The following DNER variants were observed in gnomAD, a reference collection of about 807,000 sequenced individuals.
DNER encodes the protein delta/notch like EGF repeat containing.
Under a neutral mutation model 78.2 loss-of-function variants are expected in DNER, and 33 were observed. The observed-to-expected ratio is 0.42, with a 90% CI of 0.32 to 0.56. The LOEUF is 0.56. Ranked by LOEUF, DNER falls within the 20% of genes least tolerant of loss-of-function variation. DNER has a pLI of 0.11. For missense variants in DNER, 918 were observed against 975.3 expected, an observed-to-expected ratio of 0.94 and a Z score of 0.78; for synonymous variants, 417 against 384.8, an observed-to-expected ratio of 1.08 and a Z score of -0.98.
intron 1 of DNER, among the ~76,000 whole-genome samples, chr2:229,687,484 G>C (rs867314846): frequency 2.8e-4 from 42 of 151,808 alleles, no homozygotes; most frequent in African/African-American, 8.7e-4. Flanking sequence ...GGCTGGTCTC[G>C]AACTCCTGAC....
At chr2:229,668,418 TTATA>T (rs59207662) in intron 1 of DNER, among the ~76,000 whole-genome samples, 52,769 of 132,168 alleles carry the variant, frequency 0.4, 11,110 homozygotes, top group South Asian at 0.46. Context: ...AAATATTCTT[TTATA>T]TATATATATA....
At chr2:229,409,021 G>A (rs1164145947) in intron 9 of DNER, among the ~76,000 whole-genome samples, 3 of 152,110 alleles carry the variant, frequency 2.0e-5, no homozygotes, top group Non-Finnish European at 2.9e-5. Flanking sequence ...GGACTTGAAC[G>A]AGCCTCCTCA....
intron 11 of DNER, among the ~76,000 whole-genome samples, chr2:229,382,932 G>A (rs1325503109): frequency 2.0e-5 from 3 of 152,042 alleles, no homozygotes; most frequent in African/African-American, 4.8e-5. Context: ...GATACTCCTC[G>A]AGAAGAGCAA....
chr2:229,391,570 C>A (rs1693016883), intron 10 of DNER, among the ~76,000 whole-genome samples: 1 of 152,000 alleles, frequency 6.6e-6, no homozygotes, highest in Non-Finnish European at 1.5e-5. Flanking sequence ...AGACAAAAAT[C>A]TCACTCTATC....
chr2:229,394,781 G>C (rs1441489011), intron 10 of DNER, among the ~76,000 whole-genome samples: 1 of 152,238 alleles, frequency 6.6e-6, no homozygotes, highest in South Asian at 2.1e-4. Context: ...AAAATGGCTT[G>C]AGGGGGAATT....
intron 10 of DNER, among the ~76,000 whole-genome samples, chr2:229,394,822 A>G (rs916818107): frequency 1.3e-5 from 2 of 152,158 alleles, no homozygotes; most frequent in Non-Finnish European, 2.9e-5. Flanking sequence ...AAAGAGCTCT[A>G]TTGTCAAACA....
At position 229,642,414 on chromosome 2, in the gene DNER, C is replaced by T. The variant is rs534498460; in HGVS notation, c.277-50526G>A. On this transcript the variant is annotated intron_variant, in intron 1 of 12. Coordinates refer to ENST00000341772, the MANE Select transcript of DNER (RefSeq NM_139072.4). ...AATTCCCCCTGCAGTGACAGACGCC[C>T]GCTGAAAATACTATGGGAAAAAAAG... Among the ~76,000 whole-genome samples, 7 of 152,264 alleles carry T rather than the reference C, an allele frequency of 4.6e-5. No individual in the cohort carries two copies. In the South Asian group the frequency reaches 8.3e-4, roughly 18 times the overall value.
intron 5 of DNER, among the ~76,000 whole-genome samples, chr2:229,538,709 T>C (rs1696458699): frequency 1.3e-5 from 2 of 152,104 alleles, no homozygotes; most frequent in South Asian, 4.1e-4. Flanking sequence ...TGTGGTAATT[T>C]TGTATTTTTA....
intron 1 of DNER, among the ~76,000 whole-genome samples, chr2:229,624,011 G>T (rs1385273858): frequency 6.6e-6 from 1 of 152,204 alleles, no homozygotes; most frequent in Non-Finnish European, 1.5e-5. Context: ...TCCTGGGTTG[G>T]AATGGACTTT....
intron 4 of DNER, among the ~76,000 whole-genome samples, chr2:229,569,423 G>A (rs1697175409): frequency 6.6e-6 from 1 of 152,210 alleles, no homozygotes; most frequent in African/African-American, 2.4e-5. Context: ...TCAGGAAGCT[G>A]AGGCAGGAGA....
At chr2:229,542,682 G>C (rs1335533677) in intron 5 of DNER, among the ~76,000 whole-genome samples, 1 of 148,256 alleles carries the variant, frequency 6.7e-6, no homozygotes, top group African/African-American at 2.5e-5. Flanking sequence ...AAAAAAACGT[G>C]ATGACAACAG....
intron 1 of DNER, among the ~76,000 whole-genome samples, chr2:229,685,131 C>A (rs1038893241): frequency 6.6e-5 from 10 of 152,292 alleles, no homozygotes; most frequent in African/African-American, 2.4e-4. Context: ...TTAGAGGACT[C>A]TGATCTTTGG....
chr2:229,462,605 C>A (rs1392820114), intron 7 of DNER, among the ~76,000 whole-genome samples: 2 of 152,108 alleles, frequency 1.3e-5, no homozygotes, highest in Non-Finnish European at 2.9e-5. Flanking sequence ...TATTTCGCTC[C>A]CATTATAACA....
intron 1 of DNER, among the ~76,000 whole-genome samples, chr2:229,667,939 G>GGCC: frequency 1.3e-5 from 2 of 152,198 alleles, no homozygotes; most frequent in Non-Finnish European, 2.9e-5. Flanking sequence ...GCCATGGAGG[G>GGCC]ACTCATTGGA....
chr2:229,402,913 A>T (rs1044622725), intron 10 of DNER, among the ~76,000 whole-genome samples: 6 of 152,192 alleles, frequency 3.9e-5, no homozygotes, highest in Non-Finnish European at 8.8e-5. Flanking sequence ...ACTGTGTAGA[A>T]GGAATGAAAT....
At chr2:229,416,339 C>A (rs1418441245) in intron 9 of DNER, among the ~76,000 whole-genome samples, 1 of 152,170 alleles carries the variant, frequency 6.6e-6, no homozygotes, top group African/African-American at 2.4e-5. Context: ...CAAAACTTTT[C>A]TCCCTCTCTG....
intron 11 of DNER, among the ~76,000 whole-genome samples, chr2:229,375,204 T>C: frequency 6.6e-6 from 1 of 152,202 alleles, no homozygotes; most frequent in Non-Finnish European, 1.5e-5. Context: ...GCCCAGAGAC[T>C]TTTAGTTGTT....
chr2:229,707,962 A>T (rs963023785), intron 1 of DNER, among the ~76,000 whole-genome samples: 1 of 152,182 alleles, frequency 6.6e-6, no homozygotes, highest in Non-Finnish European at 1.5e-5. Context: ...TCAGGATCCC[A>T]TTTTCACAGA....
chr2:229,406,610 T>C (rs954625823), intron 10 of DNER, among the ~76,000 whole-genome samples: 3 of 152,176 alleles, frequency 2.0e-5, no homozygotes, highest in African/African-American at 4.8e-5. Context: ...GCTCAGCACA[T>C]ACACGTACAA....
Sources: gnomAD v4.1 joint callset for allele counts (sites outside exome capture counted in the v4.1 genomes callset) on GRCh38, gnomAD v4.1.1 for gene constraint, MANE v1.5 for transcripts, NCBI Gene and HGNC (gene_info 2026-07-23, HGNC 2026-07-21) for gene names.